The following ANKS1B variants were observed in gnomAD, a reference collection of about 807,000 sequenced individuals.
The protein encoded by ANKS1B is ankyrin repeat and sterile alpha motif domain-containing protein 1B.
In ANKS1B, 36 loss-of-function variants were observed where a neutral mutation model predicts 148.3. The ratio of observed to expected loss-of-function variants is 0.24; its 90% CI spans 0.19 to 0.32. The LOEUF is 0.32. ANKS1B is among the 10% of genes least tolerant of loss of function. The pLI, the probability that ANKS1B is intolerant of heterozygous loss-of-function variation, is 1.00. For missense variants in ANKS1B, 1,157 were observed against 1,542.6 expected (o/e 0.75, Z 4.19); for synonymous variants, 542 against 560.8 (o/e 0.97, Z 0.47).
intron 1 of ANKS1B, among the ~76,000 whole-genome samples, chr12:99,964,093 G>A (rs1315580454): frequency 2.6e-5 from 4 of 151,912 alleles, no homozygotes; most frequent in Non-Finnish European, 4.4e-5. Flanking sequence ...TCTCATTCTG[G>A]AGGCCTACTA....
chr12:98,974,359 C>T (rs1356065887), intron 17 of ANKS1B, among the ~76,000 whole-genome samples: 1 of 152,072 alleles, frequency 6.6e-6, no homozygotes, highest in East Asian at 1.9e-4. Flanking sequence ...TCAGGTTATT[C>T]ACAAGTAATA....
intron 12 of ANKS1B, among the ~76,000 whole-genome samples, chr12:99,349,326 G>A (rs1009547552): frequency 2.6e-5 from 4 of 151,842 alleles, no homozygotes; most frequent in African/African-American, 9.7e-5. Context: ...TAGCAAAATG[G>A]CATAAGTAAG....
At chr12:98,956,804 C>T (rs117162794) in intron 17 of ANKS1B, among the ~76,000 whole-genome samples, 1 of 152,088 alleles carries the variant, frequency 6.6e-6, no homozygotes, top group African/African-American at 2.4e-5. Flanking sequence ...GGTTCCTGCC[C>T]TCATGAAAGT....
At chr12:99,983,820 TCAAG>T (rs34541062) in intron 1 of ANKS1B, among the ~76,000 whole-genome samples, 3,033 of 152,294 alleles carry the variant, frequency 0.02, 45 homozygotes, top group Non-Finnish European at 0.033. Flanking sequence ...TCGATTTTCT[TCAAG>T]CAACACTAGT....
intron 9 of ANKS1B, 34 bp downstream of exon 9, chr12:99,655,033 G>C: frequency 1.3e-6 from 2 of 1,508,874 alleles, no homozygotes; most frequent in Non-Finnish European, 1.8e-6. Context: ...AACCATTTTT[G>C]TTTTATTGTA....
At chr12:98,975,441 C>T (rs1177647071) in intron 17 of ANKS1B, among the ~76,000 whole-genome samples, 1 of 151,388 alleles carries the variant, frequency 6.6e-6, no homozygotes, top group Non-Finnish European at 1.5e-5. Flanking sequence ...TCTTTCTTGC[C>T]TTCCTGCCTT....
At chr12:99,964,880 C>A (rs781314151) in intron 1 of ANKS1B, among the ~76,000 whole-genome samples, 3 of 152,102 alleles carry the variant, frequency 2.0e-5, no homozygotes, top group African/African-American at 4.8e-5. Flanking sequence ...AGGACATTAA[C>A]AGAAGGGAGG....
At chr12:99,847,968 T>C (rs1290450758) in intron 1 of ANKS1B, among the ~76,000 whole-genome samples, 1 of 152,000 alleles carries the variant, frequency 6.6e-6, no homozygotes, top group East Asian at 1.9e-4. Flanking sequence ...AAATTGTTCC[T>C]GGTGAAAAAG....
chr12:99,299,245 G>C (rs1475434098), intron 12 of ANKS1B, among the ~76,000 whole-genome samples: 2 of 151,988 alleles, frequency 1.3e-5, no homozygotes, highest in Non-Finnish European at 2.9e-5. Flanking sequence ...ATTTTTTGTA[G>C]AGACGAGGTC....
intron 9 of ANKS1B, among the ~76,000 whole-genome samples, chr12:99,590,820 G>A (rs181109000): frequency 7.2e-5 from 11 of 152,216 alleles, no homozygotes; most frequent in East Asian, 3.9e-4. Context: ...CAGTGAAGGC[G>A]TATTTTTGTG....
intron 1 of ANKS1B, among the ~76,000 whole-genome samples, chr12:99,907,301 C>T (rs7976345): frequency 0.089 from 13,521 of 152,176 alleles, 724 homozygotes; most frequent in Middle Eastern, 0.16. Context: ...CCCCAGCGTG[C>T]GCCCCTCTTC....
intron 24 of ANKS1B, among the ~76,000 whole-genome samples, chr12:98,774,961 T>G (rs2098654237): frequency 6.6e-6 from 1 of 152,230 alleles, no homozygotes; most frequent in South Asian, 2.1e-4. Flanking sequence ...GATCCTCTTC[T>G]GGCATCCAGA....
Position 99,950,240 on chromosome 12 carries a change from G to A in ANKS1B, c.134+33864C>T, listed in dbSNP as rs772156864. 3.3e-5 allele frequency among the ~76,000 whole-genome samples: 5 copies of A among 149,982 alleles called. No homozygotes were observed. In the South Asian group the frequency reaches 6.3e-4, roughly 19 times the overall value. ...CTCCCAAAGTGCTGAGATTACAGGCGTAAGCCACTTCACCTGGCCTGTTCC... is the reference window on the plus strand; with the variant it reads ...CTCCCAAAGTGCTGAGATTACAGGCATAAGCCACTTCACCTGGCCTGTTCC... On this transcript the variant is annotated intron_variant, in intron 1 of 26. Coordinates refer to ENST00000683438, the MANE Select transcript of ANKS1B (RefSeq NM_001352186.2).
At chr12:99,807,754 T>C (rs1329969167) in intron 3 of ANKS1B, among the ~76,000 whole-genome samples, 1 of 152,102 alleles carries the variant, frequency 6.6e-6, no homozygotes, top group Admixed American at 6.6e-5. Context: ...GGCCTTCCGT[T>C]ATACAGCCAT....
At chr12:99,898,151 T>C (rs2093453284) in intron 1 of ANKS1B, among the ~76,000 whole-genome samples, 1 of 152,234 alleles carries the variant, frequency 6.6e-6, no homozygotes, top group African/African-American at 2.4e-5. Context: ...TAGTATTTTC[T>C]GTAGTTTGGA....
At chr12:99,815,506 A>C (rs535669247) in intron 2 of ANKS1B, among the ~76,000 whole-genome samples, 14 of 151,532 alleles carry the variant, frequency 9.2e-5, no homozygotes, top group Non-Finnish European at 1.9e-4. Flanking sequence ...TTTTATTTCA[A>C]TAGTTTTTGG....
At position 98,818,299 on chromosome 12, in the gene ANKS1B, G is replaced by T. The variant is rs143810605; in HGVS notation, c.3067-10381C>A. Among the ~76,000 whole-genome samples, 956 of 152,194 alleles carry T rather than the reference G, an allele frequency of 6.3e-3. 15 individuals are homozygous for T. Among genetic ancestry groups the T allele is most frequent in the Non-Finnish European group, 6.1e-3 (415 of 68,030 alleles). Reference sequence around the variant, plus strand: ...GCTACTAAAGTAGGAGAGAAGGAGAGAACTATAGGCTTATGATATTCCTGT... The same window carrying T: ...GCTACTAAAGTAGGAGAGAAGGAGATAACTATAGGCTTATGATATTCCTGT... On this transcript the variant is annotated intron_variant, in intron 19 of 26. Coordinates refer to ENST00000683438, the MANE Select transcript of ANKS1B (RefSeq NM_001352186.2).
Position 98,883,374 on chromosome 12 carries a change from G to C in ANKS1B, c.2779-51238C>G, listed in dbSNP as rs140166878. On this transcript the variant is annotated intron_variant, in intron 17 of 26. Transcript: ENST00000683438. The stretch of plus-strand genomic sequence containing the variant: ...CTCAATCTGAAAGTAATTCTTTCTG[G>C]TGTGTGATGAAGGCTGACTGGTCAG... 2.6e-5 allele frequency among the ~76,000 whole-genome samples: 4 copies of C among 152,244 alleles called. No individual in the cohort carries two copies. In the East Asian group the frequency reaches 7.7e-4, roughly 29 times the overall value.
intron 17 of ANKS1B, among the ~76,000 whole-genome samples, chr12:98,997,577 G>C (rs779425398): frequency 6.6e-6 from 1 of 152,034 alleles, no homozygotes; most frequent in Non-Finnish European, 1.5e-5. Flanking sequence ...ATTTTTAGTA[G>C]AGATGGGGTT....
Sources: gnomAD v4.1 joint callset for allele counts (sites outside exome capture counted in the v4.1 genomes callset) on GRCh38, gnomAD v4.1.1 for gene constraint, MANE v1.5 for transcripts, NCBI Gene and HGNC (gene_info 2026-07-23, HGNC 2026-07-21) for gene names.